The following CSK variants were observed in gnomAD, a reference collection of about 807,000 sequenced individuals.
CSK encodes the protein C-terminal Src kinase.
CSK carries 7 observed loss-of-function variants against 62.3 expected under a neutral mutation model. That is an observed-to-expected ratio of 0.11 (90% confidence interval 0.06 to 0.21). The LOEUF (loss-of-function observed/expected upper bound fraction) is 0.21, where lower values mean the gene tolerates loss of function less well. Among genes scored for constraint, CSK ranks in the 10% least tolerant of loss-of-function variants. The pLI is 1.00. For missense variants in CSK, 294 were observed against 613.5 expected (o/e 0.48, Z 5.50); for synonymous variants, 237 against 246.0 (o/e 0.96, Z 0.34).
In CSK at chr15:74,798,228, C is replaced by G. The variant is rs753230129; in HGVS notation, c.-65-5C>G. The G allele has an allele frequency of 2.5e-5, 37 of 1,507,550 alleles. No homozygotes were observed. The highest frequency in any genetic ancestry group is 3.1e-5 in the Non-Finnish European group (35 of 1,124,860). 93.4% of individuals were successfully genotyped at this position (1,507,550 alleles called of 1,614,324 possible). ...CCTCCTCAGTCTTCATGCTCTTCCC[C>G]ACAGCTCTAATGGTACCAAGTGACA... On this transcript the variant is annotated splice_polypyrimidine_tract_variant and splice_region_variant and intron_variant, in intron 1 of 12. Coordinates refer to ENST00000220003, the MANE Select transcript of CSK (RefSeq NM_004383.3). This position sits in a 1 kb window ranked among gnomAD's most constrained non-coding sequence, Gnocchi z 6.6.
intron 1 of CSK, among the ~76,000 whole-genome samples, chr15:74,792,514 G>A (rs1027622452): frequency 5.3e-5 from 8 of 152,200 alleles, no homozygotes; most frequent in African/African-American, 1.9e-4. Context: ...CACCCAGGAC[G>A]ATGTTCCTGC....
At position 74,801,800 on chromosome 15, in the gene CSK, C is replaced by T. The variant is rs142492790; in HGVS notation, c.993C>T (p.Ser331=). 8.1e-6 allele frequency: 13 copies of T among 1,613,836 alleles called. No individual in the cohort carries two copies. In the African/African-American group the frequency reaches 1.6e-4, roughly 20 times the overall value. The change falls in exon 11 of 13, where the codon AGC becomes AGT. Residue 331 remains serine (S), a synonymous_variant. Coordinates refer to ENST00000220003, the MANE Select transcript of CSK (RefSeq NM_004383.3). The stretch of plus-strand genomic sequence containing the variant: ...CTGAGGACAACGTGGCCAAGGTCAG[C>T]GACTTTGGTCTCACCAAGGAGGCGT... ...LVSEDNVAKV[S]DFGLTKEASS...
chr15:74,794,684 T>A (rs1172777365), intron 1 of CSK, among the ~76,000 whole-genome samples: 2 of 152,048 alleles, frequency 1.3e-5, no homozygotes, highest in Non-Finnish European at 2.9e-5. Flanking sequence ...CCCTTCAGGG[T>A]AAGCAAGACT....
At chr15:74,788,142 C>T (rs2063553339) in intron 1 of CSK, among the ~76,000 whole-genome samples, 1 of 152,190 alleles carries the variant, frequency 6.6e-6, no homozygotes, top group Non-Finnish European at 1.5e-5. Context: ...AGGAGAGGTC[C>T]TTGTTTGAAG....
At chr15:74,792,647 G>A (rs1020468432) in intron 1 of CSK, among the ~76,000 whole-genome samples, 1 of 152,228 alleles carries the variant, frequency 6.6e-6, no homozygotes, top group South Asian at 2.1e-4. Flanking sequence ...CAGCCACTCT[G>A]GCTGTCAGCC....
At chr15:74,795,247 G>A (rs541534149) in intron 1 of CSK, among the ~76,000 whole-genome samples, 48 of 152,244 alleles carry the variant, frequency 3.2e-4, no homozygotes, top group Middle Eastern at 3.4e-3. Context: ...TCTGCAGTCC[G>A]TGCCTACTTC....
intron 1 of CSK, among the ~76,000 whole-genome samples, chr15:74,796,421 T>C (rs981125967): frequency 1.3e-5 from 2 of 151,674 alleles, no homozygotes; most frequent in African/African-American, 4.8e-5. Flanking sequence ...GCAGGCACAC[T>C]CAGTGTAACT....
chr15:74,784,079 G>A (rs2063480368), intron 1 of CSK, among the ~76,000 whole-genome samples: 1 of 152,236 alleles, frequency 6.6e-6, no homozygotes. Context: ...CAGGGGTGAG[G>A]TTGAGGCCTG....
rs2063458166 is a variant in CSK, at chr15:74,782,902, T to C, written c.-66+182T>C. ...CCAGGAGCCACTGTCAGAACCCAAATTGGAAGGGAGTGCATGAGGGAGGTA... is the reference window on the plus strand; with the variant it reads ...CCAGGAGCCACTGTCAGAACCCAAACTGGAAGGGAGTGCATGAGGGAGGTA... On this transcript the variant is annotated intron_variant, in intron 1 of 12. Transcript: ENST00000220003. This position sits in a 1 kb window ranked among gnomAD's most constrained non-coding sequence, Gnocchi z 5.7. 6.6e-6 allele frequency among the ~76,000 whole-genome samples: 1 copy of C among 152,240 alleles called. No individual in the cohort carries two copies. The highest frequency in any genetic ancestry group is 2.1e-4 in the South Asian group (1 of 4,830).
Position 74,802,092 on chromosome 15 carries a change from G to A in CSK, c.1170+9G>A, listed in dbSNP as rs758480926. On this transcript the variant is annotated intron_variant, in intron 12 of 12. Transcript: ENST00000220003. ...TGCCTTATCCAAGAATTGTGAGTAT[G>A]GGTACTGGGATCAGGGTGGCTCTTG... 3.1e-6 allele frequency: 5 copies of A among 1,613,156 alleles called. No individual in the cohort carries two copies. The highest frequency in any genetic ancestry group is 1.1e-5 in the South Asian group (1 of 91,022).
intron 1 of CSK, among the ~76,000 whole-genome samples, chr15:74,785,388 G>T (rs768679419): frequency 6.6e-6 from 1 of 152,098 alleles, no homozygotes; most frequent in Non-Finnish European, 1.5e-5. Flanking sequence ...TGTGGTTGTC[G>T]TTACTATGAG....
intron 1 of CSK, among the ~76,000 whole-genome samples, chr15:74,795,702 A>G (rs1016973436): frequency 2.6e-5 from 4 of 152,120 alleles, no homozygotes; most frequent in African/African-American, 7.2e-5. Context: ...TATTGAAGTA[A>G]ATATACGGTT....
chr15:74,795,353 T>C (rs558593587), intron 1 of CSK, among the ~76,000 whole-genome samples: 1 of 152,022 alleles, frequency 6.6e-6, no homozygotes, highest in Non-Finnish European at 1.5e-5. Context: ...ATAACAATAA[T>C]AATAAAATAA....
chr15:74,796,606 A>AC (rs1231087337), intron 1 of CSK, among the ~76,000 whole-genome samples: 1 of 151,948 alleles, frequency 6.6e-6, no homozygotes. Flanking sequence ...AAAAAAAAAA[A>AC]AAAGAAAAGA....
rs757667556 is a variant in CSK, at chr15:74,800,444, G to A, written c.495G>A (p.Thr165=). The A allele has an allele frequency of 8.1e-6, 13 of 1,613,946 alleles. No homozygotes were observed. Among genetic ancestry groups the A allele is most frequent in the Middle Eastern group, 1.6e-4 (1 of 6,084 alleles). Residue 165 remains threonine (T), a synonymous_variant, in exon 6 of 13, where the codon ACG becomes ACA. Coordinates refer to ENST00000220003, the MANE Select transcript of CSK (RefSeq NM_004383.3). The part of the protein sequence containing the change: ...HYTSDADGLC[T]RLIKPKVMEG... ...CCTCAGACGCAGATGGACTCTGTAC[G>A]CGCCTCATTAAACCAAAGGTCATGG...
intron 1 of CSK, among the ~76,000 whole-genome samples, chr15:74,787,527 C>T (rs1408433398): frequency 6.6e-6 from 1 of 151,368 alleles, no homozygotes; most frequent in African/African-American, 2.4e-5. Context: ...CCTCAGCAGG[C>T]CCCCAGGGAC....
chr15:74,799,139 G>A (rs940701090), intron 4 of CSK, 133 bp from the exon 5 acceptor site: 12 of 1,055,746 alleles, frequency 1.1e-5, no homozygotes, highest in Middle Eastern at 3.1e-4. Context: ...ACAGGGAGCA[G>A]AAGAAGAGGG....
intron 5 of CSK, 40 bp from the exon 6 acceptor site, chr15:74,800,372 T>C (rs746317087): frequency 3.8e-6 from 6 of 1,586,876 alleles, no homozygotes; most frequent in South Asian, 1.1e-5. Flanking sequence ...ATGGGGCACC[T>C]TGGGCTGTCT....
At position 74,798,507 on chromosome 15, in the gene CSK, C is replaced by A; in HGVS notation, c.16-108C>A. ...GGCTCGTTCTCCGGGCAGAGCACCTCACCCAGGCTCACAGAGGCCAGCTCA... is the reference window on the plus strand; with the variant it reads ...GGCTCGTTCTCCGGGCAGAGCACCTAACCCAGGCTCACAGAGGCCAGCTCA... On this transcript the variant is annotated intron_variant, in intron 2 of 12. Transcript: ENST00000220003. This position sits in a 1 kb window ranked among gnomAD's most constrained non-coding sequence, Gnocchi z 6.6. 8.0e-7 allele frequency: 1 copy of A among 1,244,174 alleles called. No individual in the cohort carries two copies. The allele number at this position is 1,244,174 out of a possible 1,614,324, so 77.1% of individuals were successfully genotyped here. A position where few individuals can be genotyped will look rare whatever the true frequency, so the allele number is the denominator to read the frequency against.
Sources: allele counts gnomAD v4.1 joint callset (sites outside exome capture counted in the v4.1 genomes callset), GRCh38; gene constraint gnomAD v4.1.1; non-coding constraint Gnocchi (gnomAD v3.1); transcripts MANE v1.5; gene names NCBI Gene and HGNC (gene_info 2026-07-23, HGNC 2026-07-21).